CSMD2: variants seen among roughly 807,000 people sequenced by gnomAD.
CSMD2 encodes CUB and sushi domain-containing protein 2.
Under a neutral mutation model 398.5 loss-of-function variants are expected in CSMD2, and 130 were observed. The observed-to-expected ratio is 0.33, with a 90% CI of 0.28 to 0.38. The LOEUF is 0.38. Among genes scored for constraint, CSMD2 ranks in the 10% least tolerant of loss-of-function variants. The pLI is 1.00. For missense variants in CSMD2, 3,829 were observed against 4,764.9 expected, an observed-to-expected ratio of 0.80 and a Z score of 5.78; for synonymous variants, 1,828 against 1,908.5, an observed-to-expected ratio of 0.96 and a Z score of 1.10.
chr1:34,138,520 G>A (rs967633410), intron 1 of CSMD2, among the ~76,000 whole-genome samples: 2 of 152,188 alleles, frequency 1.3e-5, no homozygotes, highest in Non-Finnish European at 2.9e-5. Flanking sequence ...AGATTCTGAT[G>A]TAACAGCTTA....
At position 33,918,299 on chromosome 1, in the gene CSMD2, C is replaced by T; in HGVS notation, c.715G>A (p.Asp239Asn). Reference sequence around the variant, plus strand: ...CGCAGGGTCCCACCACAGGCATCATCAGCTGTGGGCACAGAGAGAAGAGGC... The same window carrying T: ...CGCAGGGTCCCACCACAGGCATCATTAGCTGTGGGCACAGAGAGAAGAGGC... Reference protein sequence around the residue: ...WDFPLPSCRADDACGGTLRGQ... With the variant: ...WDFPLPSCRANDACGGTLRGQ... The change falls in exon 5 of 71, where the codon GAT becomes AAT. Residue 239 changes from aspartate to asparagine, a missense_variant and splice_region_variant. By Grantham distance (23) the Asp-to-Asn change is conservative (BLOSUM62 1). Coordinates refer to ENST00000373381, the MANE Select transcript of CSMD2 (RefSeq NM_001281956.2). 6.2e-7 allele frequency: 1 copy of T among 1,613,598 alleles called. No homozygotes were observed. The highest frequency in any genetic ancestry group is 8.5e-7 in the Non-Finnish European group (1 of 1,179,846).
At chr1:33,853,700 C>T (rs997311685) in intron 5 of CSMD2, among the ~76,000 whole-genome samples, 1 of 152,098 alleles carries the variant, frequency 6.6e-6, no homozygotes, top group Non-Finnish European at 1.5e-5. Context: ...GTGCCATGGG[C>T]ACCAGTCAGG....
intron 5 of CSMD2, among the ~76,000 whole-genome samples, chr1:33,886,904 C>CA (rs1641632898): frequency 1.3e-5 from 2 of 152,250 alleles, no homozygotes; most frequent in South Asian, 2.1e-4. Flanking sequence ...AGTTTGTTCT[C>CA]ACTCAGCCTT....
chr1:33,836,136 C>A (rs1020587753), intron 6 of CSMD2, among the ~76,000 whole-genome samples: 1 of 152,176 alleles, frequency 6.6e-6, no homozygotes, highest in Non-Finnish European at 1.5e-5. Context: ...CACTCCAGAC[C>A]CTGTTTGCCT....
rs116663052 is a variant in CSMD2 at position 33,720,182 on chromosome 1, C to A, written c.3002-3681G>T. Among the ~76,000 whole-genome samples, 476 of 152,320 alleles carry A rather than the reference C, an allele frequency of 3.1e-3. 2 individuals are homozygous for A. The highest frequency in any genetic ancestry group is 4.8e-3 in the Non-Finnish European group (324 of 68,032). ...GGCCTGGGCTCAGTTCAATTTGATTCATATCACCAAATGCTTCTTGAGTTC... is the reference window on the plus strand; with the variant it reads ...GGCCTGGGCTCAGTTCAATTTGATTAATATCACCAAATGCTTCTTGAGTTC... On this transcript the variant is annotated intron_variant, in intron 19 of 70. Transcript: ENST00000373381.
chr1:33,817,211 C>T (rs1657568167), intron 9 of CSMD2, among the ~76,000 whole-genome samples: 1 of 152,176 alleles, frequency 6.6e-6, no homozygotes, highest in Admixed American at 6.5e-5. Flanking sequence ...CAGGACATAT[C>T]ATCCAAGTTC....
chr1:33,633,658 G>A lies in CSMD2; in HGVS notation c.5087-123C>T, dbSNP rs1642609963. On this transcript the variant is annotated intron_variant, in intron 31 of 70. Transcript: ENST00000373381. The surrounding 1 kb of genome is among the most constrained non-coding windows in gnomAD (Gnocchi z 5.0). ...TGGGGAAGTTGTTGGTTCCTGGGCT[G>A]TGGCTTGCTGCACTGGTTAGTGCAG... 2 of 697,646 alleles carry A rather than the reference G, an allele frequency of 2.9e-6. No individual in the cohort carries two copies. Among genetic ancestry groups the A allele is most frequent in the East Asian group, 2.7e-5 (1 of 36,822 alleles). The allele number at this position is 697,646 out of a possible 1,614,324, so 43.2% of individuals were successfully genotyped here. A position where few individuals can be genotyped will look rare whatever the true frequency, so the allele number is the denominator to read the frequency against.
At chr1:33,660,549 TC>T (rs1224441763) in intron 26 of CSMD2, among the ~76,000 whole-genome samples, 1 of 152,220 alleles carries the variant, frequency 6.6e-6, no homozygotes, top group Non-Finnish European at 1.5e-5. Flanking sequence ...AGCCGTTCTC[TC>T]TTCCCTAGAG....
chr1:34,076,008 A>C (rs997745224), intron 2 of CSMD2, among the ~76,000 whole-genome samples: 11 of 152,264 alleles, frequency 7.2e-5, no homozygotes, highest in Admixed American at 7.2e-4. Flanking sequence ...AATTTGAAGC[A>C]GCCAGACGCT....
chr1:33,580,735 T>G lies in CSMD2; in HGVS notation c.7387+18A>C, dbSNP rs201231975. On this transcript the variant is annotated intron_variant, in intron 48 of 70. Coordinates refer to ENST00000373381, the MANE Select transcript of CSMD2 (RefSeq NM_001281956.2). The stretch of plus-strand genomic sequence containing the variant: ...ATGAGGAGAGGGCCTGTGGCTTATT[T>G]GTGTTTTTTTCACTCACCTGAATAG... 3.7e-5 allele frequency: 59 copies of G among 1,613,958 alleles called. No homozygotes were observed. The highest frequency in any genetic ancestry group is 4.6e-5 in the Non-Finnish European group (54 of 1,179,920).
intron 1 of CSMD2, among the ~76,000 whole-genome samples, chr1:34,118,542 C>A (rs1661835896): frequency 6.6e-6 from 1 of 152,154 alleles, no homozygotes; most frequent in South Asian, 2.1e-4. Context: ...AACTAATAAA[C>A]AATTTCAGCA....
intron 42 of CSMD2, among the ~76,000 whole-genome samples, chr1:33,604,239 C>T (rs1018406218): frequency 1.3e-5 from 2 of 152,184 alleles, no homozygotes; most frequent in East Asian, 1.9e-4. Context: ...TTGCACAGCA[C>T]GTGATGGGCC....
chr1:33,974,423 A>T (rs546002), intron 3 of CSMD2, among the ~76,000 whole-genome samples: 79,121 of 152,202 alleles, frequency 0.52, 21,404 homozygotes, highest in African/African-American at 0.66. Context: ...CACTAGGGAC[A>T]CAGACATGAG....
At chr1:33,890,305 A>G (rs990156220) in intron 5 of CSMD2, among the ~76,000 whole-genome samples, 1 of 141,728 alleles carries the variant, frequency 7.1e-6, no homozygotes, top group African/African-American at 2.7e-5. Flanking sequence ...ATCGTTGCTC[A>G]CTGCAAGCTC....
chr1:33,661,049 A>G lies in CSMD2; in HGVS notation c.4255+1841T>C, dbSNP rs563557290. Among the ~76,000 whole-genome samples the G allele has an allele frequency of 2.0e-3, 307 of 152,334 alleles. 2 individuals carry two copies. Among genetic ancestry groups the G allele is most frequent in the African/African-American group, 6.3e-3 (262 of 41,566 alleles). On this transcript the variant is annotated intron_variant, in intron 26 of 70. Transcript: ENST00000373381. ...ACCTTGAAGGATGAATAGGACTTCCATGAGCTGGGCAATGCATGAGAAAGC... is the reference window on the plus strand; with the variant it reads ...ACCTTGAAGGATGAATAGGACTTCCGTGAGCTGGGCAATGCATGAGAAAGC...
In CSMD2 at chr1:33,546,066, G is replaced by A. The variant is rs770765269; in HGVS notation, c.9071C>T (p.Ser3024Leu). Residue 3024 changes from serine (S) to leucine (L), a missense_variant, in exon 57 of 71, where the codon TCG (serine) becomes TTG (leucine). Ser to Leu is a moderately radical substitution (Grantham distance 145). Coordinates refer to ENST00000373381, the MANE Select transcript of CSMD2 (RefSeq NM_001281956.2). ...ACACTCAGGCTGCGAGCCGCTCCAC[G>A]AGCCATTGGCTTGACAGGTGCGCTC... ...SSERTCQANG[S>L]WSGSQPECGV... The A allele has an allele frequency of 5.6e-6, 9 of 1,613,780 alleles. No individual in the cohort carries two copies. Among genetic ancestry groups the A allele is most frequent in the African/African-American group, 5.3e-5 (4 of 74,902 alleles).
intron 26 of CSMD2, among the ~76,000 whole-genome samples, chr1:33,661,356 A>G (rs1463797010): frequency 6.6e-6 from 1 of 152,118 alleles, no homozygotes; most frequent in Non-Finnish European, 1.5e-5. Context: ...TGCTTATTCC[A>G]GCAACTTCCC....
chr1:33,669,197 C>T (rs968470224), intron 25 of CSMD2, among the ~76,000 whole-genome samples: 1 of 152,152 alleles, frequency 6.6e-6, no homozygotes, highest in African/African-American at 2.4e-5. Context: ...TTCTTTTACA[C>T]CATCTTCTTT....
intron 22 of CSMD2, among the ~76,000 whole-genome samples, chr1:33,706,858 CGTGTGCATGT>C (rs1001192991): frequency 5.3e-5 from 8 of 151,188 alleles, no homozygotes; most frequent in East Asian, 3.9e-4. Flanking sequence ...GCATTGTGTG[CGTGTGCATGT>C]GTGTGCATGT....
Sources: gnomAD v4.1 joint callset for allele counts (sites outside exome capture counted in the v4.1 genomes callset) on GRCh38, gnomAD v4.1.1 for gene constraint, Gnocchi (gnomAD v3.1) non-coding constraint, MANE v1.5 for transcripts, NCBI Gene and HGNC (gene_info 2026-07-23, HGNC 2026-07-21) for gene names.